The following KIF26B variants were observed in gnomAD, a reference collection of about 807,000 sequenced individuals.
KIF26B encodes the protein kinesin-like protein KIF26B.
KIF26B carries 63 observed loss-of-function variants against 151.2 expected under a neutral mutation model. The observed-to-expected ratio is 0.42, with a 90% CI of 0.34 to 0.51. The LOEUF (loss-of-function observed/expected upper bound fraction) is 0.51, where lower values mean the gene tolerates loss of function less well. KIF26B is among the 20% of genes least tolerant of loss of function. The pLI, the probability that KIF26B is intolerant of heterozygous loss-of-function variation, is 0.07. For synonymous variants in KIF26B, 1,357 were observed against 1,262.1 expected (o/e 1.08, Z -1.59); for missense variants, 2,813 against 2,913.6 (o/e 0.97, Z 0.79).
At chr1:245,223,732 G>A (rs1490124051) in intron 2 of KIF26B, among the ~76,000 whole-genome samples, 1 of 152,140 alleles carries the variant, frequency 6.6e-6, no homozygotes, top group Non-Finnish European at 1.5e-5. Context: ...CCTTCAGGGG[G>A]TCCCATATGT....
rs528673820 is a variant in KIF26B, at chr1:245,608,458, T to G, written c.1651+714T>G. 4.6e-5 allele frequency among the ~76,000 whole-genome samples: 7 copies of G among 152,344 alleles called. No homozygotes were observed. In the East Asian group the frequency reaches 1.2e-3, roughly 25 times the overall value. Reference sequence around the variant, plus strand: ...AGGACAGAAAGCCATTGCCTCTCTCTGCACTTCCGTCCTCCCCAGCCCTTT... The same window carrying G: ...AGGACAGAAAGCCATTGCCTCTCTCGGCACTTCCGTCCTCCCCAGCCCTTT... On this transcript the variant is annotated intron_variant, in intron 7 of 14. Transcript: ENST00000407071.
chr1:245,155,754 A>G (rs1313751745), intron 1 of KIF26B, among the ~76,000 whole-genome samples: 6 of 152,212 alleles, frequency 3.9e-5, no homozygotes, highest in Non-Finnish European at 4.4e-5. Flanking sequence ...TTCTAGGCAG[A>G]GTGAAGCCGA....
intron 2 of KIF26B, among the ~76,000 whole-genome samples, chr1:245,196,823 G>A (rs550756115): frequency 2.0e-5 from 3 of 152,212 alleles, no homozygotes; most frequent in East Asian, 1.9e-4. Flanking sequence ...AAATGGTTCC[G>A]AGCATACCCT....
At position 245,688,722 on chromosome 1, in the gene KIF26B, G is replaced by T. The variant is rs1365985951; in HGVS notation, c.5739G>T (p.Ser1913=). 15 of 1,608,658 alleles carry T rather than the reference G, an allele frequency of 9.3e-6. No homozygotes were observed. Among genetic ancestry groups the T allele is most frequent in the Non-Finnish European group, 1.3e-5 (15 of 1,178,256 alleles). ...GCGAGGCCACCGGCAGCGCGTCCTCGGCGCAGGACTCCACGAGCGAGAACA... is the reference window on the plus strand; with the variant it reads ...GCGAGGCCACCGGCAGCGCGTCCTCTGCGCAGGACTCCACGAGCGAGAACA... ...RDSEATGSAS[S]AQDSTSENSS... The change falls in exon 12 of 15, where the codon TCG becomes TCT. Residue 1913 remains serine (S), a synonymous_variant. Transcript: ENST00000407071.
chr1:245,292,455 C>T (rs1558377884), intron 2 of KIF26B, among the ~76,000 whole-genome samples: 2 of 152,196 alleles, frequency 1.3e-5, no homozygotes, highest in African/African-American at 2.4e-5. Flanking sequence ...TTGCTAGTGG[C>T]TCACTTTAGA....
At chr1:245,229,557 T>C (rs1669948651) in intron 2 of KIF26B, among the ~76,000 whole-genome samples, 1 of 152,204 alleles carries the variant, frequency 6.6e-6, no homozygotes, top group African/African-American at 2.4e-5. Context: ...ATGTGCCCGG[T>C]ACCTTTTGTC....
chr1:245,241,357 G>A lies in KIF26B; in HGVS notation c.465+84674G>A, dbSNP rs948200940. ...TGGCCAGAGGGAGGCAGCTGGATCG[G>A]CTTCTCCAGAGCCTGCTGGCTGGAG... On this transcript the variant is annotated intron_variant, in intron 2 of 14. Transcript: ENST00000407071. The surrounding 1 kb of genome is among the most constrained non-coding windows in gnomAD (Gnocchi z 5.0). Among the ~76,000 whole-genome samples the A allele has an allele frequency of 1.3e-5, 2 of 152,288 alleles. No homozygotes were observed. The highest frequency in any genetic ancestry group is 4.1e-4 in the South Asian group (2 of 4,822).
intron 2 of KIF26B, among the ~76,000 whole-genome samples, chr1:245,320,763 C>T (rs141321059): frequency 0.024 from 3,683 of 152,136 alleles, 78 homozygotes; most frequent in South Asian, 0.049. Flanking sequence ...CTGCAACCTC[C>T]GCCTCCCAAG....
At chr1:245,357,707 A>G (rs889294220) in intron 2 of KIF26B, among the ~76,000 whole-genome samples, 1 of 152,120 alleles carries the variant, frequency 6.6e-6, no homozygotes, top group African/African-American at 2.4e-5. Context: ...GGCAGGAACC[A>G]AAGTGAAGGT....
intron 5 of KIF26B, among the ~76,000 whole-genome samples, chr1:245,559,948 T>A (rs1268048845): frequency 6.6e-6 from 1 of 152,108 alleles, no homozygotes; most frequent in African/African-American, 2.4e-5. Context: ...GTGCATCACA[T>A]GTTACCGACG....
In KIF26B at chr1:245,303,359, C is replaced by T. The variant is rs575971939; in HGVS notation, c.466-63475C>T. Among the ~76,000 whole-genome samples the T allele has an allele frequency of 3.6e-3, 544 of 151,068 alleles. 6 individuals are homozygous for T. The highest frequency in any genetic ancestry group is 0.011 in the African/African-American group (451 of 40,844). ...GACTACAGGTGCCCGCCACCACGCCCGGCTAATTTTTTGTATTTTTAGTAG... is the reference window on the plus strand; with the variant it reads ...GACTACAGGTGCCCGCCACCACGCCTGGCTAATTTTTTGTATTTTTAGTAG... On this transcript the variant is annotated intron_variant, in intron 2 of 14. Coordinates refer to ENST00000407071, the MANE Select transcript of KIF26B (RefSeq NM_018012.4).
At chr1:245,406,709 C>G (rs1347100057) in intron 3 of KIF26B, among the ~76,000 whole-genome samples, 1 of 152,192 alleles carries the variant, frequency 6.6e-6, no homozygotes, top group Non-Finnish European at 1.5e-5. Flanking sequence ...GCAACAGTTA[C>G]ATAAAGCACG....
chr1:245,562,574 C>T (rs1210301942), intron 5 of KIF26B, among the ~76,000 whole-genome samples: 2 of 150,706 alleles, frequency 1.3e-5, no homozygotes, highest in Non-Finnish European at 2.9e-5. Context: ...CCTGTCCGCA[C>T]GTGGCCAAGC....
At chr1:245,376,689 T>A (rs1188257566) in intron 3 of KIF26B, among the ~76,000 whole-genome samples, 2 of 152,162 alleles carry the variant, frequency 1.3e-5, no homozygotes, top group African/African-American at 2.4e-5. Flanking sequence ...TTTTTTATTT[T>A]TTATTTATTT....
chr1:245,570,526 G>C (rs2043056925), intron 5 of KIF26B, among the ~76,000 whole-genome samples: 1 of 152,162 alleles, frequency 6.6e-6, no homozygotes, highest in Admixed American at 6.5e-5. Flanking sequence ...AAGTATTTTG[G>C]ATCTTGGGAA....
chr1:245,457,600 A>G (rs1275775272), intron 4 of KIF26B, among the ~76,000 whole-genome samples: 2 of 152,312 alleles, frequency 1.3e-5, no homozygotes, highest in South Asian at 4.1e-4. Context: ...CCTTTCATCT[A>G]TAACACAGGT....
intron 9 of KIF26B, chr1:245,614,823 C>T (rs890561169): frequency 2.0e-5 from 3 of 152,306 alleles, no homozygotes; most frequent in East Asian, 3.9e-4. Context: ...AGAGCGCTTC[C>T]GTTTAGAATC....
At chr1:245,515,560 C>T (rs928672376) in intron 4 of KIF26B, among the ~76,000 whole-genome samples, 4 of 152,136 alleles carry the variant, frequency 2.6e-5, no homozygotes, top group African/African-American at 9.7e-5. Flanking sequence ...TGTGCAGTTG[C>T]CTTCAGTTTT....
chr1:245,351,836 C>T (rs1469161966), intron 2 of KIF26B, among the ~76,000 whole-genome samples: 3 of 151,934 alleles, frequency 2.0e-5, no homozygotes, highest in Admixed American at 2.0e-4. Flanking sequence ...TGTAATACAC[C>T]ATAAAGGTTG....
Sources: gnomAD v4.1 joint callset for allele counts (sites outside exome capture counted in the v4.1 genomes callset) on GRCh38, gnomAD v4.1.1 for gene constraint, Gnocchi (gnomAD v3.1) non-coding constraint, MANE v1.5 for transcripts, NCBI Gene and HGNC (gene_info 2026-07-23, HGNC 2026-07-21) for gene names.